CHST11: variants seen among roughly 807,000 people sequenced by gnomAD.
CHST11 encodes carbohydrate sulfotransferase 11.
Under a neutral mutation model 30.4 loss-of-function variants are expected in CHST11, and 9 were observed. The observed-to-expected ratio is 0.30, with a 90% CI of 0.18 to 0.52. The LOEUF (loss-of-function observed/expected upper bound fraction) is 0.52. Among genes scored for constraint, CHST11 ranks in the 20% least tolerant of loss-of-function variants. The pLI is 0.97. For missense variants in CHST11, 348 were observed against 460.6 expected, an observed-to-expected ratio of 0.76 and a Z score of 2.24; for synonymous variants, 152 against 187.8, an observed-to-expected ratio of 0.81 and a Z score of 1.56.
intron 1 of CHST11, among the ~76,000 whole-genome samples, chr12:104,471,435 G>A (rs1402484972): frequency 6.6e-6 from 1 of 152,200 alleles, no homozygotes; most frequent in African/African-American, 2.4e-5. Flanking sequence ...TGTCACTTAA[G>A]AGAGCCAAGA....
At chr12:104,556,676 G>A (rs2038458674) in intron 1 of CHST11, among the ~76,000 whole-genome samples, 1 of 152,160 alleles carries the variant, frequency 6.6e-6, no homozygotes. Context: ...GTGTGTCTCT[G>A]TATTCAGATT....
intron 1 of CHST11, among the ~76,000 whole-genome samples, chr12:104,499,720 T>G (rs2037834407): frequency 6.6e-6 from 1 of 151,818 alleles, no homozygotes; most frequent in South Asian, 2.1e-4. Flanking sequence ...GGAAGGGAAA[T>G]GATCAAAAAT....
intron 2 of CHST11, among the ~76,000 whole-genome samples, chr12:104,751,076 G>A (rs2040428417): frequency 2.0e-5 from 3 of 152,112 alleles, no homozygotes; most frequent in Non-Finnish European, 4.4e-5. Context: ...TCAAATACCA[G>A]GTTTAAAAGC....
At position 104,457,226 on chromosome 12, in the gene CHST11, AC is replaced by A; in HGVS notation, c.-184del. ...TCAGCACTTCCAGACCAACTCCGGCACCTTCCACACCCCTGCCCGGGCTGGG... is the reference window on the plus strand; with the variant it reads ...TCAGCACTTCCAGACCAACTCCGGCACTTCCACACCCCTGCCCGGGCTGGG... On this transcript the variant is annotated 5_prime_UTR_variant, in exon 1 of 3. Transcript: ENST00000303694. 1.9e-6 allele frequency: 1 copy of A among 540,170 alleles called. No individual in the cohort carries two copies. The highest frequency in any genetic ancestry group is 3.3e-6 in the Non-Finnish European group (1 of 301,388). 33.5% of individuals were successfully genotyped at this position (540,170 alleles called of 1,614,324 possible). A position where few individuals can be genotyped will look rare whatever the true frequency, so the allele number is the denominator to read the frequency against.
chr12:104,533,912 C>T (rs757701281), intron 1 of CHST11, among the ~76,000 whole-genome samples: 6 of 152,064 alleles, frequency 3.9e-5, no homozygotes, highest in Non-Finnish European at 7.4e-5. Flanking sequence ...TGGATTGGGC[C>T]GAGGCTGGGA....
intron 1 of CHST11, among the ~76,000 whole-genome samples, chr12:104,467,832 G>T (rs1350281267): frequency 6.6e-6 from 1 of 152,120 alleles, no homozygotes; most frequent in African/African-American, 2.4e-5. Context: ...ATTTCTTAAC[G>T]GTTGTCATAT....
chr12:104,673,559 G>C (rs186865253), intron 2 of CHST11, among the ~76,000 whole-genome samples: 1 of 152,220 alleles, frequency 6.6e-6, no homozygotes, highest in East Asian at 1.9e-4. Context: ...ACAGTGCTTC[G>C]AGTGCTATCT....
At chr12:104,615,918 ACT>A (rs1284983092) in intron 2 of CHST11, among the ~76,000 whole-genome samples, 1 of 151,986 alleles carries the variant, frequency 6.6e-6, no homozygotes, top group Non-Finnish European at 1.5e-5. Context: ...ACAGAGCAAG[ACT>A]CTGTCTCAAA....
intron 2 of CHST11, among the ~76,000 whole-genome samples, chr12:104,718,989 ACC>A (rs1270541972): frequency 5.3e-5 from 8 of 152,216 alleles, no homozygotes. Context: ...GGTGCATGGA[ACC>A]CCAATGCATT....
chr12:104,591,294 C>T (rs73187418), intron 1 of CHST11, among the ~76,000 whole-genome samples: 42,840 of 151,856 alleles, frequency 0.28, 6,203 homozygotes, highest in African/African-American at 0.34. Flanking sequence ...ATTTACGTTT[C>T]TAGAAGATTA....
At position 104,541,122 on chromosome 12, in the gene CHST11, T is replaced by TCACA. The variant is rs756684710; in HGVS notation, c.119-60783_119-60782insACAC. Among the ~76,000 whole-genome samples, 375 of 63,138 alleles carry TCACA rather than the reference T, an allele frequency of 5.9e-3. 1 individual carries two copies. Among genetic ancestry groups the TCACA allele is most frequent in the Middle Eastern group, 0.024 (2 of 82 alleles). The allele number at this position is 63,138 out of a possible 152,430, so 41.4% of individuals were successfully genotyped here. ...ATTCTGCAGAATCTCTCCCTCTCTC[T>TCACA]CTCTCTCTCACACACACACACACAC... On this transcript the variant is annotated intron_variant, in intron 1 of 2. Coordinates refer to ENST00000303694, the MANE Select transcript of CHST11 (RefSeq NM_018413.6).
intron 1 of CHST11, among the ~76,000 whole-genome samples, chr12:104,499,237 G>A (rs1053281352): frequency 1.3e-5 from 2 of 152,120 alleles, no homozygotes; most frequent in African/African-American, 2.4e-5. Flanking sequence ...TTACTGCTTC[G>A]TACCTGGGCT....
intron 1 of CHST11, among the ~76,000 whole-genome samples, chr12:104,489,889 T>C (rs112706134): frequency 6.6e-6 from 1 of 152,230 alleles, no homozygotes. Context: ...TGAGGGCCAC[T>C]GATCTCTCCA....
At chr12:104,743,447 A>C (rs2040364465) in intron 2 of CHST11, among the ~76,000 whole-genome samples, 1 of 152,166 alleles carries the variant, frequency 6.6e-6, no homozygotes, top group African/African-American at 2.4e-5. Flanking sequence ...GTGGGGGCTG[A>C]GAGCAGCCAG....
At chr12:104,457,801 TTTTC>T (rs370338327) in intron 1 of CHST11, among the ~76,000 whole-genome samples, 6 of 142,738 alleles carry the variant, frequency 4.2e-5, no homozygotes, top group South Asian at 2.2e-4. Flanking sequence ...TTTTTTTTTT[TTTTC>T]TTCTTCTTTT....
At chr12:104,718,995 A>G (rs573410012) in intron 2 of CHST11, among the ~76,000 whole-genome samples, 24 of 152,298 alleles carry the variant, frequency 1.6e-4, no homozygotes, top group East Asian at 3.9e-4. Flanking sequence ...TGGAACCCCA[A>G]TGCATTTCTC....
intron 2 of CHST11, among the ~76,000 whole-genome samples, chr12:104,696,660 G>A (rs376699707): frequency 7.9e-5 from 12 of 151,590 alleles, no homozygotes; most frequent in African/African-American, 2.4e-4. Flanking sequence ...AGTGAGACTC[G>A]GTCTCAAAAA....
intron 1 of CHST11, among the ~76,000 whole-genome samples, chr12:104,550,888 G>A (rs932391360): frequency 1.3e-5 from 2 of 152,146 alleles, no homozygotes; most frequent in Admixed American, 6.5e-5. Flanking sequence ...TGATGTCCAC[G>A]TCTTTTGTGT....
intron 2 of CHST11, among the ~76,000 whole-genome samples, chr12:104,638,480 G>GA (rs2039346714): frequency 6.6e-6 from 1 of 152,166 alleles, no homozygotes; most frequent in Admixed American, 6.5e-5. Flanking sequence ...AGTGGGATGG[G>GA]AAAATGCAGT....
Sources: gnomAD v4.1 joint callset for allele counts (sites outside exome capture counted in the v4.1 genomes callset) on GRCh38, gnomAD v4.1.1 for gene constraint, MANE v1.5 for transcripts, NCBI Gene and HGNC (gene_info 2026-07-23, HGNC 2026-07-21) for gene names.